Variants in PCED1B observed in about 807,000 individuals in gnomAD.
The protein encoded by PCED1B is PC-esterase domain containing 1B.
For synonymous variants in PCED1B, 251 were observed against 246.1 expected, an observed-to-expected ratio of 1.02 and a Z score of -0.19; for missense variants, 573 against 573.9, an observed-to-expected ratio of 1.00 and a Z score of 0.02.
At chr12:47,084,077 G>A (rs1227711584) in intron 1 of PCED1B, among the ~76,000 whole-genome samples, 2 of 151,840 alleles carry the variant, frequency 1.3e-5, no homozygotes, top group South Asian at 4.2e-4. Flanking sequence ...ATTTACAATG[G>A]GATTACATTC....
chr12:47,160,477 A>G (rs1001236330), intron 2 of PCED1B, among the ~76,000 whole-genome samples: 6 of 149,536 alleles, frequency 4.0e-5, no homozygotes, highest in Non-Finnish European at 8.9e-5. Flanking sequence ...AATTTTTTAA[A>G]CAAATATTTT....
intron 3 of PCED1B, among the ~76,000 whole-genome samples, chr12:47,232,511 C>A (rs530760103): frequency 2.0e-5 from 3 of 152,122 alleles, no homozygotes; most frequent in Non-Finnish European, 4.4e-5. Flanking sequence ...TTAAAATGTT[C>A]CTACATCTAT....
intron 3 of PCED1B, among the ~76,000 whole-genome samples, chr12:47,233,111 G>GC (rs1384347337): frequency 1.3e-5 from 2 of 152,016 alleles, no homozygotes; most frequent in Non-Finnish European, 2.9e-5. Context: ...TTGCCATGTT[G>GC]CCCAGGCTGG....
At chr12:47,088,022 T>C (rs1198998333) in intron 1 of PCED1B, among the ~76,000 whole-genome samples, 1 of 152,184 alleles carries the variant, frequency 6.6e-6, no homozygotes, top group Non-Finnish European at 1.5e-5. Flanking sequence ...TAACTCTAGG[T>C]AAATGACTCA....
At chr12:47,084,028 A>G (rs1937865227) in intron 1 of PCED1B, among the ~76,000 whole-genome samples, 1 of 152,222 alleles carries the variant, frequency 6.6e-6, no homozygotes, top group African/African-American at 2.4e-5. Context: ...CTGTGCAACC[A>G]TCACCACTAT....
At chr12:47,111,161 T>C (rs1046121204) in intron 2 of PCED1B, among the ~76,000 whole-genome samples, 21 of 152,174 alleles carry the variant, frequency 1.4e-4, no homozygotes, top group Admixed American at 5.9e-4. Context: ...TTCAAGGACC[T>C]GTGCCACAAG....
intron 2 of PCED1B, among the ~76,000 whole-genome samples, chr12:47,161,045 C>G (rs1157436411): frequency 1.3e-5 from 2 of 152,192 alleles, no homozygotes; most frequent in African/African-American, 4.8e-5. Context: ...GGTTGCATTG[C>G]AACACATGCA....
At chr12:47,158,954 T>A (rs1941283932) in intron 2 of PCED1B, among the ~76,000 whole-genome samples, 1 of 152,132 alleles carries the variant, frequency 6.6e-6, no homozygotes, top group Non-Finnish European at 1.5e-5. Context: ...ACTCTCTATC[T>A]CCATGAACTT....
intron 2 of PCED1B, among the ~76,000 whole-genome samples, chr12:47,181,078 G>T (rs999106196): frequency 2.0e-5 from 3 of 151,440 alleles, no homozygotes; most frequent in Admixed American, 2.0e-4. Flanking sequence ...TCAACCTCCC[G>T]GACTCAGGTG....
intron 2 of PCED1B, among the ~76,000 whole-genome samples, chr12:47,117,466 C>T (rs117249680): frequency 0.085 from 12,871 of 152,018 alleles, 903 homozygotes; most frequent in African/African-American, 0.2. Flanking sequence ...TCTGTCCATG[C>T]GACAGTTTGC....
At chr12:47,177,461 C>T (rs1463532286) in intron 2 of PCED1B, among the ~76,000 whole-genome samples, 2 of 152,194 alleles carry the variant, frequency 1.3e-5, no homozygotes, top group Non-Finnish European at 2.9e-5. Context: ...TCACACTAAA[C>T]CCATATGTAA....
intron 2 of PCED1B, among the ~76,000 whole-genome samples, chr12:47,211,546 C>A (rs987212936): frequency 2.0e-5 from 3 of 148,986 alleles, no homozygotes; most frequent in Admixed American, 6.8e-5. Context: ...CCCAGCTACT[C>A]AGGAGGCTGA....
At chr12:47,170,852 T>C (rs1439815305) in intron 2 of PCED1B, among the ~76,000 whole-genome samples, 1 of 152,150 alleles carries the variant, frequency 6.6e-6, no homozygotes, top group African/African-American at 2.4e-5. Flanking sequence ...TTCCTCTTTT[T>C]TCTTTCTTCA....
chr12:47,090,348 G>A (rs1938211154), intron 1 of PCED1B, among the ~76,000 whole-genome samples: 1 of 152,110 alleles, frequency 6.6e-6, no homozygotes, highest in Non-Finnish European at 1.5e-5. Flanking sequence ...ATGAGATGCA[G>A]GCATTTTGCA....
intron 2 of PCED1B, among the ~76,000 whole-genome samples, chr12:47,173,410 C>T (rs965101971): frequency 6.6e-6 from 1 of 152,060 alleles, no homozygotes; most frequent in Non-Finnish European, 1.5e-5. Flanking sequence ...CCCGCCACCA[C>T]GCCCAGCTAA....
At chr12:47,192,309 CTG>C (rs1470180280) in intron 2 of PCED1B, among the ~76,000 whole-genome samples, 1 of 151,970 alleles carries the variant, frequency 6.6e-6, no homozygotes, top group Non-Finnish European at 1.5e-5. Flanking sequence ...ATTAAATAGG[CTG>C]CAGAGAACAG....
At chr12:47,120,202 T>C (rs1403557448) in intron 2 of PCED1B, among the ~76,000 whole-genome samples, 1 of 152,094 alleles carries the variant, frequency 6.6e-6, no homozygotes, top group Non-Finnish European at 1.5e-5. Flanking sequence ...GACAAGGGTG[T>C]GGAGAAATTG....
chr12:47,107,532 T>C (rs1939009319), intron 2 of PCED1B, among the ~76,000 whole-genome samples: 1 of 152,186 alleles, frequency 6.6e-6, no homozygotes, highest in South Asian at 2.1e-4. Flanking sequence ...TGCATCGAAG[T>C]TAGAGCACTA....
chr12:47,112,238 A>G (rs77877585), intron 2 of PCED1B, among the ~76,000 whole-genome samples: 6 of 152,344 alleles, frequency 3.9e-5, no homozygotes, highest in African/African-American at 1.4e-4. Flanking sequence ...TACACTCCCT[A>G]TCTATTATCC....
Sources: allele counts gnomAD v4.1 joint callset (sites outside exome capture counted in the v4.1 genomes callset), GRCh38; gene constraint gnomAD v4.1.1; transcripts MANE v1.5; gene names NCBI Gene and HGNC (gene_info 2026-07-23, HGNC 2026-07-21).